Variants in ARHGAP40 observed in about 807,000 individuals in gnomAD.
ARHGAP40 encodes the protein rho GTPase-activating protein 40.
Under a neutral mutation model 73.5 loss-of-function variants are expected in ARHGAP40, and 43 were observed. The observed-to-expected ratio is 0.58, with a 90% confidence interval of 0.46 to 0.75. The LOEUF is 0.75. Ranked by LOEUF, ARHGAP40 falls within the 30% of genes least tolerant of loss-of-function variation. ARHGAP40 has a pLI of 0.00. For synonymous variants in ARHGAP40, 300 were observed against 352.8 expected, an observed-to-expected ratio of 0.85 and a Z score of 1.68; for missense variants, 734 against 861.8, an observed-to-expected ratio of 0.85 and a Z score of 1.86.
intron 10 of ARHGAP40, among the ~76,000 whole-genome samples, chr20:38,642,021 C>T (rs1470263595): frequency 2.0e-5 from 3 of 152,152 alleles, no homozygotes; most frequent in Admixed American, 6.5e-5. Flanking sequence ...CACTGCAGAG[C>T]GTCAGTTCCA....
chr20:38,612,131 A>C (rs1033741167), intron 1 of ARHGAP40, among the ~76,000 whole-genome samples: 1 of 152,240 alleles, frequency 6.6e-6, no homozygotes, highest in Non-Finnish European at 1.5e-5. Context: ...ACATGTAATC[A>C]ATATGAAACA....
chr20:38,647,061 A>G (rs2089058864), exon 13 of ARHGAP40: 1 of 1,305,386 alleles, frequency 7.7e-7, no homozygotes, highest in African/African-American at 1.5e-5. Flanking sequence ...GGCAGTTCAC[A>G]GAGCACCTCA....
chr20:38,632,423 G>C (rs2088946475), intron 5 of ARHGAP40, among the ~76,000 whole-genome samples: 1 of 151,814 alleles, frequency 6.6e-6, no homozygotes, highest in Non-Finnish European at 1.5e-5. Flanking sequence ...CACCATGCCT[G>C]GCTAATTTTT....
chr20:38,623,263 G>A (rs112402551), intron 1 of ARHGAP40, 96 bp from the exon 2 acceptor site: 3 of 997,366 alleles, frequency 3.0e-6, no homozygotes, highest in African/African-American at 3.4e-5. Flanking sequence ...GCCCCCAGGG[G>A]CCCAGGCTGA....
At chr20:38,625,864 A>G (rs2088896104) in intron 2 of ARHGAP40, among the ~76,000 whole-genome samples, 3 of 152,248 alleles carry the variant, frequency 2.0e-5, no homozygotes, top group African/African-American at 7.2e-5. Flanking sequence ...GATGTGTTTT[A>G]GTAAAAAATG....
At chr20:38,631,079 A>T (rs2088935128) in intron 5 of ARHGAP40, among the ~76,000 whole-genome samples, 1 of 152,190 alleles carries the variant, frequency 6.6e-6, no homozygotes, top group Non-Finnish European at 1.5e-5. Flanking sequence ...TGGGAGGCCA[A>T]GGCGAGAGGA....
chr20:38,629,002 G>C, exon 4 of ARHGAP40: 1 of 1,304,656 alleles, frequency 7.7e-7, no homozygotes, highest in Non-Finnish European at 1.0e-6. Flanking sequence ...GTTTCCTCCA[G>C]GTAAGTGGTC....
intron 1 of ARHGAP40, chr20:38,615,133 T>A: frequency 2.1e-6 from 2 of 967,746 alleles, no homozygotes; most frequent in South Asian, 2.6e-5. Flanking sequence ...AGGGTCCGGA[T>A]TTCGTCTGCC....
intron 2 of ARHGAP40, among the ~76,000 whole-genome samples, chr20:38,625,816 C>G (rs771957687): frequency 6.6e-6 from 1 of 152,192 alleles, no homozygotes; most frequent in Non-Finnish European, 1.5e-5. Flanking sequence ...ATGTTGGATG[C>G]TCCATTTATG....
chr20:38,635,096 G>A (rs2088966011), intron 6 of ARHGAP40, among the ~76,000 whole-genome samples: 1 of 152,100 alleles, frequency 6.6e-6, no homozygotes, highest in South Asian at 2.1e-4. Context: ...TGGCCAGGAT[G>A]GTCTTGGTCT....
chr20:38,606,578 C>A (rs2088771592), intron 1 of ARHGAP40, among the ~76,000 whole-genome samples: 1 of 152,160 alleles, frequency 6.6e-6, no homozygotes, highest in African/African-American at 2.4e-5. Context: ...TGAGGCTGAG[C>A]ATCTTTTCAC....
chr20:38,628,933 T>A (rs563090999), exon 4 of ARHGAP40: 1 of 1,304,460 alleles, frequency 7.7e-7, no homozygotes, highest in Admixed American at 2.3e-5. Flanking sequence ...ATAGAAAATG[T>A]CGTCAGAGAA....
intron 5 of ARHGAP40, among the ~76,000 whole-genome samples, chr20:38,632,917 G>A (rs1172817318): frequency 1.3e-5 from 2 of 152,138 alleles, no homozygotes; most frequent in African/African-American, 4.8e-5. Context: ...GAGGTCAGGA[G>A]TTTGCGACCA....
intron 9 of ARHGAP40, among the ~76,000 whole-genome samples, chr20:38,640,016 A>C (rs1407064467): frequency 1.3e-5 from 2 of 152,152 alleles, no homozygotes; most frequent in Non-Finnish European, 2.9e-5. Flanking sequence ...CCCCCAAGCT[A>C]GGGACAGGGA....
exon 9 of ARHGAP40, chr20:38,639,338 A>G (rs1276415968): frequency 7.7e-7 from 1 of 1,305,518 alleles, no homozygotes; most frequent in African/African-American, 1.5e-5. Flanking sequence ...GAAGCTGCCG[A>G]CACCTTTGCT....
intron 5 of ARHGAP40, among the ~76,000 whole-genome samples, chr20:38,634,337 G>A (rs1035051252): frequency 2.6e-5 from 4 of 152,180 alleles, no homozygotes; most frequent in African/African-American, 9.7e-5. Flanking sequence ...GGGCAACAGA[G>A]CAAGACCGTG....
At chr20:38,615,530 C>CCCGGAGGAGGTG (rs2088831255) in intron 1 of ARHGAP40, 2 of 614,456 alleles carry the variant, frequency 3.3e-6, no homozygotes, top group South Asian at 3.2e-5. Flanking sequence ...CCTTCAGTGT[C>CCCGGAGGAGGTG]CCGGAGGAGG....
intron 1 of ARHGAP40, among the ~76,000 whole-genome samples, chr20:38,619,042 G>C (rs2088859515): frequency 6.6e-6 from 1 of 152,228 alleles, no homozygotes; most frequent in Non-Finnish European, 1.5e-5. Flanking sequence ...AGTTCCAGCA[G>C]AAATGAATGT....
At chr20:38,642,911 C>T (rs6100524) in intron 10 of ARHGAP40, among the ~76,000 whole-genome samples, 22,324 of 152,072 alleles carry the variant, frequency 0.15, 3,762 homozygotes, top group African/African-American at 0.42. Context: ...GAGGCCAAGA[C>T]GGGAGGATCA....
Sources: gnomAD v4.1 joint callset for allele counts (sites outside exome capture counted in the v4.1 genomes callset) on GRCh38, gnomAD v4.1.1 for gene constraint, MANE v1.5 for transcripts, NCBI Gene and HGNC (gene_info 2026-07-23, HGNC 2026-07-21) for gene names.